The following DCAF12 variants were observed in gnomAD, a reference collection of about 807,000 sequenced individuals.
DCAF12 encodes the protein DDB1 and CUL4 associated factor 12.
In DCAF12, 28 loss-of-function variants were observed where a neutral mutation model predicts 52.8. The ratio of observed to expected loss-of-function variants is 0.53; its 90% CI spans 0.39 to 0.73. The LOEUF is 0.73. Ranked by LOEUF, DCAF12 falls within the 30% of genes least tolerant of loss-of-function variation. DCAF12 has a pLI of 0.00. For synonymous variants in DCAF12, 196 were observed against 215.5 expected (o/e 0.91, Z 0.79); for missense variants, 425 against 552.2 (o/e 0.77, Z 2.31).
chr9:34,126,412 C>G lies in DCAF12; in HGVS notation c.20G>C (p.Ser7Thr). ...CGAGGCGGGCGCTTTCCGCTTCCTG[C>G]TAACTACTTTCCGGGCCATAGTGGG... Reference protein sequence around the residue: MARKVVSRKRKAPASPG... With the variant: MARKVVTRKRKAPASPG... Residue 7 changes from serine (S) to threonine (T), a missense_variant, in exon 1 of 9, where the codon AGC becomes ACC. Physicochemically the swap from Ser to Thr is moderately conservative, Grantham distance 58. Around this residue, in one of 3 missense-constraint regions of DCAF12, gnomAD observed 89 missense variants for 84.9 expected, o/e 1.05. Transcript: ENST00000361264. 6.2e-7 allele frequency: 1 copy of G among 1,609,306 alleles called. No individual in the cohort carries two copies. Among genetic ancestry groups the G allele is most frequent in the Non-Finnish European group, 8.5e-7 (1 of 1,179,724 alleles).
At chr9:34,114,786 T>C (rs570512947) in intron 2 of DCAF12, among the ~76,000 whole-genome samples, 6 of 151,668 alleles carry the variant, frequency 4.0e-5, no homozygotes, top group Non-Finnish European at 7.4e-5. Context: ...TGTAAATGAG[T>C]GTACACAAAG....
intron 7 of DCAF12, among the ~76,000 whole-genome samples, chr9:34,091,639 C>CAAAAAAA (rs34922785): frequency 1.2e-4 from 10 of 80,498 alleles, no homozygotes; most frequent in Non-Finnish European, 1.5e-4. Context: ...ACCCTGTCTT[C>CAAAAAAA]AAAAAAAAAA....
At chr9:34,094,531 CTTT>C (rs903364873) in intron 6 of DCAF12, among the ~76,000 whole-genome samples, 2 of 141,136 alleles carry the variant, frequency 1.4e-5, no homozygotes, top group Non-Finnish European at 3.1e-5. Context: ...ATTTCTCCAG[CTTT>C]TTTTTTTTTT....
intron 2 of DCAF12, among the ~76,000 whole-genome samples, chr9:34,114,094 C>A (rs1044573482): frequency 6.9e-6 from 1 of 144,902 alleles, no homozygotes; most frequent in African/African-American, 2.5e-5. Context: ...GGCGACAGGG[C>A]AAATACTCCG....
intron 4 of DCAF12, among the ~76,000 whole-genome samples, chr9:34,106,035 A>C (rs1322050528): frequency 6.6e-6 from 1 of 151,990 alleles, no homozygotes; most frequent in Non-Finnish European, 1.5e-5. Context: ...GGTGTGAGCC[A>C]CCACACCCGG....
Position 34,089,492 on chromosome 9 carries a change from C to G in DCAF12, c.1123G>C (p.Glu375Gln). ...GACCCATAACAAGCTGAGAGCCTCT[C>G]TTCCAGAAATCTCTGAGCTCGGATG... ...YDIRAQRFLE[E>Q]RLSACYGSKP... Residue 375 changes from glutamate (E) to glutamine (Q), a missense_variant, in exon 8 of 9, where the codon GAG (glutamate) becomes CAG (glutamine). Physicochemically the swap from Glu to Gln is conservative, Grantham distance 29. Coordinates refer to ENST00000361264, the MANE Select transcript of DCAF12 (RefSeq NM_015397.4). The G allele has an allele frequency of 2.5e-6, 4 of 1,614,222 alleles. No homozygotes were observed. The highest frequency in any genetic ancestry group is 3.4e-6 in the Non-Finnish European group (4 of 1,180,050).
At chr9:34,099,838 C>T (rs1212533019) in intron 4 of DCAF12, among the ~76,000 whole-genome samples, 4 of 151,940 alleles carry the variant, frequency 2.6e-5, no homozygotes, top group African/African-American at 7.3e-5. Context: ...ATGATCCACC[C>T]GCCTCAACCT....
intron 4 of DCAF12, among the ~76,000 whole-genome samples, chr9:34,103,697 T>G (rs956263921): frequency 1.3e-5 from 2 of 151,532 alleles, no homozygotes; most frequent in Non-Finnish European, 2.9e-5. Flanking sequence ...CTATAAAAAA[T>G]AGAAATAATT....
intron 5 of DCAF12, among the ~76,000 whole-genome samples, chr9:34,097,238 G>T (rs1184302656): frequency 6.6e-6 from 1 of 150,624 alleles, no homozygotes; most frequent in Non-Finnish European, 1.5e-5. Flanking sequence ...CTGGCTCTGG[G>T]TGTATATTCT....
chr9:34,104,441 T>C (rs369198546), intron 4 of DCAF12, among the ~76,000 whole-genome samples: 1 of 152,084 alleles, frequency 6.6e-6, no homozygotes, highest in East Asian at 1.9e-4. Context: ...GTTGGAAAGA[T>C]AGGTGTGGGC....
chr9:34,096,909 G>A (rs1564095124), intron 5 of DCAF12, 128 bp from the exon 6 acceptor site: 1 of 762,642 alleles, frequency 1.3e-6, no homozygotes, highest in East Asian at 2.7e-5. Context: ...AGAGGTGCCA[G>A]TAATTATTAG....
chr9:34,120,976 A>C (rs1377423540), intron 2 of DCAF12, among the ~76,000 whole-genome samples: 1 of 152,018 alleles, frequency 6.6e-6, no homozygotes, highest in Non-Finnish European at 1.5e-5. Flanking sequence ...CAACATGGTG[A>C]AACCCTGTCT....
At chr9:34,109,238 C>T (rs569691496) in intron 2 of DCAF12, 49 of 168,998 alleles carry the variant, frequency 2.9e-4, no homozygotes, top group African/African-American at 1.0e-3. Context: ...ATCCTGTACT[C>T]GGACATGTTC....
intron 2 of DCAF12, among the ~76,000 whole-genome samples, chr9:34,118,696 G>T (rs952513366): frequency 6.6e-6 from 1 of 152,100 alleles, no homozygotes; most frequent in Non-Finnish European, 1.5e-5. Flanking sequence ...GGGCGTGGTG[G>T]GTCATGCATA....
Position 34,086,398 on chromosome 9 carries a change from A to C in DCAF12, c.*1952T>G, listed in dbSNP as rs1828557011. 1 of 152,180 alleles carries C rather than the reference A, an allele frequency of 6.6e-6. No individual in the cohort carries two copies. The highest frequency in any genetic ancestry group is 2.1e-4 in the South Asian group (1 of 4,826). 9.4% of individuals were successfully genotyped at this position (152,180 alleles called of 1,614,324 possible). Reference sequence around the variant, plus strand: ...CACTCACACCATTGTGCACTGGAATAATTTTTATTTTTTTCCTTGGCAAAA... The same window carrying C: ...CACTCACACCATTGTGCACTGGAATCATTTTTATTTTTTTCCTTGGCAAAA... On this transcript the variant is annotated 3_prime_UTR_variant, in exon 9 of 9. Transcript: ENST00000361264.
In DCAF12 at chr9:34,088,236, T is replaced by C; in HGVS notation, c.*114A>G. On this transcript the variant is annotated 3_prime_UTR_variant, in exon 9 of 9. Coordinates refer to ENST00000361264, the MANE Select transcript of DCAF12 (RefSeq NM_015397.4). ...AAGTGCCTAAACTATAGGCAAACTT[T>C]GGTGTTCCCACTAAAACACAAGAGC... 2 of 1,214,510 alleles carry C rather than the reference T, an allele frequency of 1.6e-6. No homozygotes were observed. 75.2% of individuals were successfully genotyped at this position (1,214,510 alleles called of 1,614,324 possible). A position where few individuals can be genotyped will look rare whatever the true frequency, so the allele number is the denominator to read the frequency against.
intron 2 of DCAF12, among the ~76,000 whole-genome samples, chr9:34,116,444 G>T (rs1483567526): frequency 6.6e-6 from 1 of 151,952 alleles, no homozygotes; most frequent in Non-Finnish European, 1.5e-5. Flanking sequence ...GTCAAGGCAG[G>T]CAGATCACTT....
In DCAF12 at chr9:34,107,445, TAGA is replaced by T; in HGVS notation, c.451_453del (p.Ser151del). 6.2e-7 allele frequency: 1 copy of T among 1,614,180 alleles called. No individual in the cohort carries two copies. The highest frequency in any genetic ancestry group is 8.5e-7 in the Non-Finnish European group (1 of 1,180,036). ...TCTCCTCCAGTGGCTAGCAGTGTTC[TAGA>T]AGGATTCAGCTCGATGGCATGGATA... On this transcript the variant is annotated inframe_deletion, in exon 3 of 9. Coordinates refer to ENST00000361264, the MANE Select transcript of DCAF12 (RefSeq NM_015397.4).
intron 8 of DCAF12, among the ~76,000 whole-genome samples, chr9:34,089,110 CAA>C (rs771038838): frequency 0.022 from 2,006 of 92,408 alleles, 41 homozygotes; most frequent in African/African-American, 0.068. Context: ...GACCCTGTCT[CAA>C]AAAAAAAAAA....
Sources: gnomAD v4.1 joint callset for allele counts (sites outside exome capture counted in the v4.1 genomes callset) on GRCh38, gnomAD v4.1.1 for gene constraint, gnomAD v4.1.1 regional missense constraint, MANE v1.5 for transcripts, NCBI Gene and HGNC (gene_info 2026-07-23, HGNC 2026-07-21) for gene names.